Variants in DCLK1 observed in about 807,000 individuals in gnomAD.
DCLK1 encodes the protein doublecortin like kinase 1.
A neutral mutation model predicts 86.2 loss-of-function variants in DCLK1; 16 were observed. That is an observed-to-expected ratio of 0.19 (90% CI 0.13 to 0.28). The LOEUF is 0.28. Ranked by LOEUF, DCLK1 falls within the 10% of genes least tolerant of loss-of-function variation. The pLI is 1.00. For synonymous variants in DCLK1, 369 were observed against 370.5 expected, an observed-to-expected ratio of 1.00 and a Z score of 0.05; for missense variants, 590 against 940.2, an observed-to-expected ratio of 0.63 and a Z score of 4.87.
intron 3 of DCLK1, among the ~76,000 whole-genome samples, chr13:35,958,110 A>ACTG (rs1878157013): frequency 1.9e-5 from 1 of 52,392 alleles, no homozygotes; most frequent in South Asian, 4.8e-4. Flanking sequence ...TATAACCACC[A>ACTG]TCACCACCAC....
intron 16 of DCLK1, chr13:35,787,920 AG>A: frequency 2.6e-6 from 1 of 388,790 alleles, no homozygotes; most frequent in Non-Finnish European, 4.8e-6. Flanking sequence ...TAGCAACGTC[AG>A]GAAAATGCTT....
rs534360636 is a variant in DCLK1 at position 36,101,483 on chromosome 13, A to G, written c.723+10386T>C. 4.6e-5 allele frequency among the ~76,000 whole-genome samples: 7 copies of G among 152,336 alleles called. No homozygotes were observed. In the East Asian group the frequency reaches 7.7e-4, roughly 17 times the overall value. On this transcript the variant is annotated intron_variant, in intron 3 of 16. Coordinates refer to ENST00000360631, the MANE Select transcript of DCLK1 (RefSeq NM_001330071.2). ...ATCAGCTAAAACTAATGTTTAATGC[A>G]TCTACCACGCAACAACAGCCGGGGT...
At chr13:36,038,734 C>T (rs1274223144) in intron 3 of DCLK1, among the ~76,000 whole-genome samples, 1 of 152,200 alleles carries the variant, frequency 6.6e-6, no homozygotes, top group African/African-American at 2.4e-5. Flanking sequence ...ATGACAAGCA[C>T]AGCAAAGTTA....
intron 6 of DCLK1, chr13:35,850,869 T>G (rs1870574367): frequency 3.7e-6 from 4 of 1,078,866 alleles, no homozygotes; most frequent in Non-Finnish European, 5.0e-6. Flanking sequence ...GCATCCCCAG[T>G]TTCTACTATT....
intron 3 of DCLK1, among the ~76,000 whole-genome samples, chr13:35,967,784 C>T (rs1034931018): frequency 4.6e-5 from 7 of 151,722 alleles, no homozygotes; most frequent in African/African-American, 1.7e-4. Flanking sequence ...TATGACCCTG[C>T]CAAATCCCCC....
At chr13:36,071,253 C>A (rs1463426170) in intron 3 of DCLK1, among the ~76,000 whole-genome samples, 2 of 152,038 alleles carry the variant, frequency 1.3e-5, no homozygotes, top group Non-Finnish European at 2.9e-5. Context: ...ACTAAGATTT[C>A]TCTTTTCTTA....
chr13:35,987,864 A>C (rs1171970938), intron 3 of DCLK1, among the ~76,000 whole-genome samples: 1 of 152,110 alleles, frequency 6.6e-6, no homozygotes, highest in African/African-American at 2.4e-5. Context: ...TTAACATATT[A>C]TTGATGCCTG....
intron 3 of DCLK1, among the ~76,000 whole-genome samples, chr13:36,013,762 C>G (rs1004902800): frequency 7.2e-5 from 11 of 152,178 alleles, no homozygotes; most frequent in South Asian, 2.1e-4. Flanking sequence ...CCACCCAGTT[C>G]GAGCTTCCTG....
chr13:36,058,987 A>G (rs1284549182), intron 3 of DCLK1, among the ~76,000 whole-genome samples: 1 of 152,162 alleles, frequency 6.6e-6, no homozygotes, highest in Admixed American at 6.5e-5. Context: ...AGGTAAATAA[A>G]ATTGATTCTA....
At chr13:35,853,850 C>T (rs1037388308) in intron 6 of DCLK1, among the ~76,000 whole-genome samples, 7 of 152,112 alleles carry the variant, frequency 4.6e-5, no homozygotes, top group African/African-American at 1.4e-4. Context: ...AAAAGACAAA[C>T]AGTACAGGTT....
intron 3 of DCLK1, among the ~76,000 whole-genome samples, chr13:36,009,706 G>A (rs201431362): frequency 0.014 from 1,373 of 99,378 alleles, 5 homozygotes; most frequent in East Asian, 0.073. Context: ...TTGGCGATGC[G>A]GGCTCTTTTT....
At chr13:36,091,264 T>C (rs1443241431) in intron 3 of DCLK1, among the ~76,000 whole-genome samples, 1 of 152,190 alleles carries the variant, frequency 6.6e-6, no homozygotes, top group Non-Finnish European at 1.5e-5. Context: ...GCTTAAAACC[T>C]AGATGACAGG....
At chr13:35,913,968 C>T (rs1265483618) in intron 4 of DCLK1, among the ~76,000 whole-genome samples, 2 of 151,964 alleles carry the variant, frequency 1.3e-5, no homozygotes, top group African/African-American at 4.8e-5. Context: ...TATTTTAATT[C>T]CAATTTGGTT....
chr13:35,790,148 C>T (rs971710265), intron 16 of DCLK1, among the ~76,000 whole-genome samples: 1 of 152,066 alleles, frequency 6.6e-6, no homozygotes, highest in African/African-American at 2.4e-5. Flanking sequence ...TTCTTTGGTC[C>T]TAATAATGTA....
intron 3 of DCLK1, among the ~76,000 whole-genome samples, chr13:36,090,343 T>C (rs564936332): frequency 6.6e-6 from 1 of 152,108 alleles, no homozygotes; most frequent in African/African-American, 2.4e-5. Flanking sequence ...CCCTTCTTCT[T>C]AGAGGAGTCA....
chr13:35,861,902 G>A (rs1453603648), intron 5 of DCLK1, among the ~76,000 whole-genome samples: 2 of 151,764 alleles, frequency 1.3e-5, no homozygotes, highest in African/African-American at 2.4e-5. Flanking sequence ...GCGTGGTGGC[G>A]GGCACCTGTA....
intron 6 of DCLK1, among the ~76,000 whole-genome samples, chr13:35,843,350 C>T (rs913523627): frequency 2.6e-5 from 4 of 152,156 alleles, no homozygotes; most frequent in African/African-American, 9.7e-5. Flanking sequence ...TTGCTGGCAC[C>T]TGGATGCTTT....
At chr13:35,779,274 C>T (rs1486099837) in intron 16 of DCLK1, among the ~76,000 whole-genome samples, 1 of 152,108 alleles carries the variant, frequency 6.6e-6, no homozygotes, top group Non-Finnish European at 1.5e-5. Flanking sequence ...CTGCGCCCGG[C>T]CAATTTATTT....
chr13:35,823,355 GCACACACACA>G (rs34702154), intron 10 of DCLK1, among the ~76,000 whole-genome samples: 4 of 147,764 alleles, frequency 2.7e-5, no homozygotes, highest in African/African-American at 7.5e-5. Flanking sequence ...TTATTAGGAT[GCACACACACA>G]CACACACACA....
Sources: allele counts gnomAD v4.1 joint callset (sites outside exome capture counted in the v4.1 genomes callset), GRCh38; gene constraint gnomAD v4.1.1; transcripts MANE v1.5; gene names NCBI Gene and HGNC (gene_info 2026-07-23, HGNC 2026-07-21).